The following EYS variants were observed in gnomAD, a reference collection of about 807,000 sequenced individuals.
EYS encodes protein eyes shut homolog.
In EYS, 250 loss-of-function variants were observed where a neutral mutation model predicts 282.1. The observed-to-expected ratio is 0.89, with a 90% CI of 0.80 to 0.98. EYS has a LOEUF of 0.98. Among genes scored for constraint, EYS ranks in the 50% least tolerant of loss-of-function variants. The probability of loss-of-function intolerance (pLI) is 0.00; values close to 1 mark genes in which losing one functional copy is unlikely to be tolerated. For missense variants in EYS, 4,016 were observed against 3,709.0 expected (o/e 1.08, Z -2.15); for synonymous variants, 1,355 against 1,282.9 (o/e 1.06, Z -1.20).
intron 26 of EYS, among the ~76,000 whole-genome samples, chr6:64,532,760 T>A (rs1191206781): frequency 6.6e-6 from 1 of 152,080 alleles, no homozygotes; most frequent in Non-Finnish European, 1.5e-5. Context: ...GAGAAAATTT[T>A]ATTTACTACA....
chr6:65,140,339 A>T (rs1270751820), intron 12 of EYS, among the ~76,000 whole-genome samples: 1 of 152,032 alleles, frequency 6.6e-6, no homozygotes, highest in Non-Finnish European at 1.5e-5. Flanking sequence ...AATAATAGAA[A>T]ATAAACTGAA....
chr6:64,703,931 C>T (rs1770883203), intron 22 of EYS, among the ~76,000 whole-genome samples: 2 of 152,020 alleles, frequency 1.3e-5, no homozygotes, highest in African/African-American at 2.4e-5. Context: ...GAGCTGAATA[C>T]AAAATATGCA....
intron 26 of EYS, among the ~76,000 whole-genome samples, chr6:64,576,259 G>A (rs1765876194): frequency 6.6e-6 from 1 of 152,026 alleles, no homozygotes; most frequent in Admixed American, 6.6e-5. Context: ...ATTGTGACTT[G>A]GCGATCAGTG....
chr6:64,996,877 C>A (rs995348640), intron 14 of EYS, among the ~76,000 whole-genome samples: 1 of 152,168 alleles, frequency 6.6e-6, no homozygotes, highest in Admixed American at 6.5e-5. Context: ...AATATCAGTT[C>A]TGTTGTTAAG....
Position 64,707,108 on chromosome 6 carries a change from C to T in EYS, c.3444-80863G>A, listed in dbSNP as rs1253252940. 3.8e-5 allele frequency among the ~76,000 whole-genome samples: 3 copies of T among 79,274 alleles called. No homozygotes were observed. In the East Asian group the frequency reaches 7.0e-4, roughly 18 times the overall value. The allele number at this position is 79,274 out of a possible 152,430, so 52.0% of individuals were successfully genotyped here. A position where few individuals can be genotyped will look rare whatever the true frequency, so the allele number is the denominator to read the frequency against. ...AGAAATTGTGAGATATATATGCATA[C>T]ACACACACACACACACACACACATA... On this transcript the variant is annotated intron_variant, in intron 22 of 42. Coordinates refer to ENST00000503581, the MANE Select transcript of EYS (RefSeq NM_001142800.2).
intron 12 of EYS, among the ~76,000 whole-genome samples, chr6:65,209,936 T>C (rs1167415990): frequency 6.6e-6 from 1 of 151,828 alleles, no homozygotes; most frequent in Non-Finnish European, 1.5e-5. Context: ...CTGTATTGCA[T>C]CCAGCACAAT....
chr6:64,545,091 C>T (rs1205112860), intron 26 of EYS, among the ~76,000 whole-genome samples: 1 of 152,182 alleles, frequency 6.6e-6, no homozygotes, highest in South Asian at 2.1e-4. Context: ...AGACCAATAT[C>T]CCTGATGAAC....
At chr6:65,000,816 C>T (rs1042349470) in intron 13 of EYS, among the ~76,000 whole-genome samples, 7 of 152,120 alleles carry the variant, frequency 4.6e-5, no homozygotes, top group East Asian at 1.9e-4. Context: ...GGTGAACAAC[C>T]GTATAATGGT....
chr6:63,737,937 A>C (rs1235306420), intron 41 of EYS, among the ~76,000 whole-genome samples: 4 of 152,202 alleles, frequency 2.6e-5, no homozygotes, highest in African/African-American at 7.2e-5. Context: ...ACATGAACAG[A>C]CACTTCTCAA....
At chr6:65,279,010 T>C in intron 12 of EYS, among the ~76,000 whole-genome samples, 1 of 151,932 alleles carries the variant, frequency 6.6e-6, no homozygotes, top group Non-Finnish European at 1.5e-5. Context: ...CCACCATGGC[T>C]AAACTCCATC....
At chr6:65,181,476 A>C (rs1438964697) in intron 12 of EYS, among the ~76,000 whole-genome samples, 1 of 152,208 alleles carries the variant, frequency 6.6e-6, no homozygotes, top group African/African-American at 2.4e-5. Flanking sequence ...ATCACTGGCC[A>C]TCAGGGAAAT....
At chr6:64,547,428 G>C (rs552514524) in intron 26 of EYS, among the ~76,000 whole-genome samples, 2 of 152,256 alleles carry the variant, frequency 1.3e-5, no homozygotes, top group East Asian at 1.9e-4. Context: ...CTCCCCACTA[G>C]ATTAGGTAGA....
At chr6:63,873,549 C>T (rs1447690557) in intron 35 of EYS, among the ~76,000 whole-genome samples, 3 of 152,142 alleles carry the variant, frequency 2.0e-5, no homozygotes, top group African/African-American at 7.2e-5. Flanking sequence ...AATGGGATTT[C>T]TAGTTCTAGA....
intron 35 of EYS, among the ~76,000 whole-genome samples, chr6:63,966,897 C>T (rs1326837698): frequency 1.3e-5 from 2 of 152,132 alleles, no homozygotes; most frequent in Non-Finnish European, 2.9e-5. Flanking sequence ...GTGGGGGATA[C>T]AATCCAGGAC....
At chr6:65,278,328 A>ATATATATATAGATTCTATATATTC (rs1768115394) in intron 12 of EYS, among the ~76,000 whole-genome samples, 1 of 133,504 alleles carries the variant, frequency 7.5e-6, no homozygotes, top group Non-Finnish European at 1.6e-5. Context: ...AGAAATCTAT[A>ATATATATATAGATTCTATATATTC]TATATATAGA....
At chr6:64,008,639 A>T (rs1201609191) in intron 33 of EYS, among the ~76,000 whole-genome samples, 1 of 151,978 alleles carries the variant, frequency 6.6e-6, no homozygotes, top group East Asian at 1.9e-4. Flanking sequence ...TTCCTTAAGG[A>T]TTTCTTGCAA....
At chr6:64,439,445 G>A in intron 26 of EYS, 93 bp from the exon 27 acceptor site, 3 of 778,374 alleles carry the variant, frequency 3.9e-6, no homozygotes, top group Non-Finnish European at 5.7e-6. Flanking sequence ...TTTCTCTAAT[G>A]ACTCATACGT....
At chr6:63,762,704 G>C in intron 40 of EYS, 71 bp from the exon 41 acceptor site, 3 of 1,345,056 alleles carry the variant, frequency 2.2e-6, no homozygotes, top group Non-Finnish European at 3.0e-6. Context: ...GTATTGCCCT[G>C]ATGCTAACTT....
intron 30 of EYS, among the ~76,000 whole-genome samples, chr6:64,244,536 A>G (rs1217490947): frequency 6.6e-6 from 1 of 152,100 alleles, no homozygotes; most frequent in African/African-American, 2.4e-5. Context: ...GGGCTTTTCT[A>G]TTTAGAGAAT....
Sources: allele counts gnomAD v4.1 joint callset (sites outside exome capture counted in the v4.1 genomes callset), GRCh38; gene constraint gnomAD v4.1.1; transcripts MANE v1.5; gene names NCBI Gene and HGNC (gene_info 2026-07-23, HGNC 2026-07-21).